Variants in PHTF2 observed in about 807,000 individuals in gnomAD.
The protein encoded by PHTF2 is protein PHTF2.
A neutral mutation model predicts 101.2 loss-of-function variants in PHTF2; 60 were observed. The observed-to-expected ratio is 0.59, with a 90% confidence interval of 0.48 to 0.73. The LOEUF is 0.73. Ranked by LOEUF, PHTF2 falls within the 30% of genes least tolerant of loss-of-function variation. The pLI, the probability that PHTF2 is intolerant of heterozygous loss-of-function variation, is 0.00. For synonymous variants in PHTF2, 311 were observed against 307.3 expected (o/e 1.01, Z -0.13); for missense variants, 747 against 908.7 (o/e 0.82, Z 2.29).
intron 9 of PHTF2, among the ~76,000 whole-genome samples, chr7:77,910,855 C>A (rs1413140310): frequency 1.3e-5 from 2 of 152,088 alleles, no homozygotes; most frequent in East Asian, 3.9e-4. Flanking sequence ...ATTGGCCAGA[C>A]CTCGGCCTCC....
At chr7:77,819,753 T>C (rs927597575) in intron 1 of PHTF2, among the ~76,000 whole-genome samples, 1 of 152,222 alleles carries the variant, frequency 6.6e-6, no homozygotes, top group Non-Finnish European at 1.5e-5. Context: ...CCTCATAGAA[T>C]GAGTTAGGAA....
At position 77,886,849 on chromosome 7, in the gene PHTF2, C is replaced by G. The variant is rs188934221; in HGVS notation, c.148-6759C>G. ...GCTTGAGCCCAAGAGTTCAAGGCCA[C>G]ATAGGGAGCAACATAAGGAGCTGTC... On this transcript the variant is annotated intron_variant, in intron 3 of 19. Coordinates refer to ENST00000416283, the Ensembl canonical transcript of PHTF2. Among the ~76,000 whole-genome samples, 21 of 151,900 alleles carry G rather than the reference C, an allele frequency of 1.4e-4. 1 individual carries two copies. The East Asian group carries it at 1.7e-3, about 13-fold the overall frequency.
At chr7:77,850,372 A>G (rs1288520676) in intron 2 of PHTF2, among the ~76,000 whole-genome samples, 2 of 148,004 alleles carry the variant, frequency 1.4e-5, no homozygotes, top group South Asian at 2.1e-4. Context: ...AAAAAAAAAA[A>G]AAAAAAAAAA....
intron 1 of PHTF2, among the ~76,000 whole-genome samples, chr7:77,809,390 G>A (rs1030886125): frequency 6.6e-6 from 1 of 151,654 alleles, no homozygotes; most frequent in African/African-American, 2.4e-5. Context: ...ACATGCCTGG[G>A]TAATTTTTGT....
At position 77,921,965 on chromosome 7, in the gene PHTF2, C is replaced by T. The variant is rs1036479674; in HGVS notation, c.964-658C>T. On this transcript the variant is annotated intron_variant, in intron 10 of 19. Coordinates refer to ENST00000416283, the Ensembl canonical transcript of PHTF2. ...GTTTGAAAAAATAGTATAATATGTT[C>T]TTTCACCTTCTTTTAAGTGGTCTCT... Among the ~76,000 whole-genome samples, 8 of 143,706 alleles carry T rather than the reference C, an allele frequency of 5.6e-5. No homozygotes were observed. The South Asian group carries it at 1.6e-3, about 28-fold the overall frequency. The allele number at this position is 143,706 out of a possible 152,430, so 94.3% of individuals were successfully genotyped here.
chr7:77,925,494 G>GGTTTTTTTTTTTTTTTTTTTT (rs1803881376), intron 11 of PHTF2, among the ~76,000 whole-genome samples: 1 of 98,932 alleles, frequency 1.0e-5, no homozygotes, highest in African/African-American at 4.7e-5. Flanking sequence ...TAGTTTTTAG[G>GGTTTTTTTTTTTTTTTTTTTT]GTTTTTTTTT....
Position 77,874,145 on chromosome 7 carries a change from T to A in PHTF2, c.147+19311T>A, listed in dbSNP as rs1425575135. 2.0e-5 allele frequency among the ~76,000 whole-genome samples: 3 copies of A among 152,236 alleles called. No individual in the cohort carries two copies. In the East Asian group the frequency reaches 5.8e-4, roughly 29 times the overall value. ...TAAACTCCTTGCCTCTCATGAGTGA[T>A]GAATCAGGAGTGTCAAATGCATTTA... On this transcript the variant is annotated intron_variant, in intron 3 of 19. Coordinates refer to ENST00000416283, the Ensembl canonical transcript of PHTF2.
chr7:77,942,807 T>G (rs747851257), intron 16 of PHTF2, 21 bp downstream of exon 15: 5 of 1,180,504 alleles, frequency 4.2e-6, no homozygotes, highest in Middle Eastern at 3.9e-4. Context: ...TCGCTCCATG[T>G]AGAAATTAAC....
chr7:77,872,143 G>A (rs572302977), intron 3 of PHTF2, among the ~76,000 whole-genome samples: 5 of 152,286 alleles, frequency 3.3e-5, no homozygotes, highest in Admixed American at 2.6e-4. Context: ...TTGGTGAGTG[G>A]AAGTCCATGT....
chr7:77,827,893 C>T (rs1562849408), intron 1 of PHTF2, among the ~76,000 whole-genome samples: 1 of 152,146 alleles, frequency 6.6e-6, no homozygotes, highest in African/African-American at 2.4e-5. Context: ...ATCCACCTGA[C>T]TTAGCCTCCC....
chr7:77,902,000 C>A, intron 7 of PHTF2, 80 bp downstream of exon 6: 1 of 676,690 alleles, frequency 1.5e-6, no homozygotes. Context: ...TAAACATATG[C>A]TAACTACTAC....
chr7:77,911,459 A>G (rs1802391625), intron 9 of PHTF2, among the ~76,000 whole-genome samples: 1 of 152,188 alleles, frequency 6.6e-6, no homozygotes, highest in African/African-American at 2.4e-5. Flanking sequence ...ACTAGTTTAT[A>G]TATACCTATA....
chr7:77,930,173 C>T (rs1038734805), intron 12 of PHTF2, among the ~76,000 whole-genome samples: 3 of 151,912 alleles, frequency 2.0e-5, no homozygotes, highest in Non-Finnish European at 2.9e-5. Flanking sequence ...AGGCTGGTCT[C>T]GAACTCCTGA....
chr7:77,948,029 G>A (rs2150990623), intron 16 of PHTF2, among the ~76,000 whole-genome samples: 1 of 151,538 alleles, frequency 6.6e-6, no homozygotes, highest in South Asian at 2.1e-4. Flanking sequence ...AGTAGAGACG[G>A]GGGTTTCACC....
intron 12 of PHTF2, among the ~76,000 whole-genome samples, chr7:77,932,621 A>AGAGAGAGAGT (rs759880633): frequency 1.7e-5 from 2 of 118,476 alleles, no homozygotes; most frequent in Admixed American, 8.6e-5. Flanking sequence ...AGAGAGAGAG[A>AGAGAGAGAGT]GTGTGTGTGT....
At chr7:77,826,983 A>G (rs569287118) in intron 1 of PHTF2, among the ~76,000 whole-genome samples, 42 of 152,362 alleles carry the variant, frequency 2.8e-4, no homozygotes, top group Admixed American at 7.2e-4. Flanking sequence ...CATCAGATCC[A>G]TTTAAATACA....
intron 3 of PHTF2, among the ~76,000 whole-genome samples, chr7:77,876,003 A>T (rs1798913960): frequency 6.6e-6 from 1 of 152,234 alleles, no homozygotes; most frequent in Non-Finnish European, 1.5e-5. Flanking sequence ...TACGGTTTAG[A>T]GAAGTCTAGT....
intron 11 of PHTF2, chr7:77,924,320 A>C (rs574487432): frequency 3.3e-4 from 62 of 187,172 alleles, no homozygotes; most frequent in African/African-American, 1.4e-3. Context: ...ACTCAAACAC[A>C]ATGAGCAAGC....
In PHTF2 at chr7:77,901,930, A is replaced by T; in HGVS notation, c.445+10A>T. 1 of 1,535,430 alleles carries T rather than the reference A, an allele frequency of 6.5e-7. No homozygotes were observed. Among genetic ancestry groups the T allele is most frequent in the Non-Finnish European group, 8.8e-7 (1 of 1,138,866 alleles). ...CTTTATCTTCTTCAAGGTATAATTA[A>T]GTGATTTTTGCTTTTACTTTTCAGA... On this transcript the variant is annotated intron_variant, in intron 7 of 19. Coordinates refer to ENST00000416283, the Ensembl canonical transcript of PHTF2.
Sources: allele counts gnomAD v4.1 joint callset (sites outside exome capture counted in the v4.1 genomes callset), GRCh38; gene constraint gnomAD v4.1.1; transcripts MANE v1.5; gene names NCBI Gene and HGNC (gene_info 2026-07-23, HGNC 2026-07-21).